Variants in C6orf89 observed in about 807,000 individuals in gnomAD.
C6orf89 encodes the protein bombesin receptor-activated protein C6orf89.
In C6orf89, 29 loss-of-function variants were observed where a neutral mutation model predicts 40.7. The ratio of observed to expected loss-of-function variants is 0.71; its 90% CI spans 0.53 to 0.97. The LOEUF (loss-of-function observed/expected upper bound fraction) is 0.97, where lower values mean the gene tolerates loss of function less well. Among genes scored for constraint, C6orf89 ranks in the 50% least tolerant of loss-of-function variants. C6orf89 has a pLI of 0.00. For synonymous variants in C6orf89, 165 were observed against 152.2 expected (o/e 1.08, Z -0.62); for missense variants, 392 against 429.1 (o/e 0.91, Z 0.76).
intron 7 of C6orf89, 126 bp downstream of exon 7, chr6:36,916,700 C>T: frequency 8.6e-7 from 1 of 1,156,780 alleles, no homozygotes; most frequent in Non-Finnish European, 1.2e-6. Flanking sequence ...GGGACACCCA[C>T]ACAGTCTAGT....
rs1762625451 is a variant in C6orf89 at position 36,924,743 on chromosome 6, A to G, written c.*1302A>G. The G allele has an allele frequency of 6.6e-6, 1 of 152,214 alleles. No individual in the cohort carries two copies. The allele number at this position is 152,214 out of a possible 1,614,324, so 9.4% of individuals were successfully genotyped here. A position where few individuals can be genotyped will look rare whatever the true frequency, so the allele number is the denominator to read the frequency against. On this transcript the variant is annotated 3_prime_UTR_variant, in exon 9 of 9. Transcript: ENST00000480824. ...TGCCAAGATGAAGAAAAAGCAAACTACACTTTGGCCTCTGGTTCTGAATTG... is the reference window on the plus strand; with the variant it reads ...TGCCAAGATGAAGAAAAAGCAAACTGCACTTTGGCCTCTGGTTCTGAATTG...
intron 4 of C6orf89, among the ~76,000 whole-genome samples, chr6:36,905,090 G>C (rs752041576): frequency 1.3e-5 from 2 of 152,216 alleles, no homozygotes; most frequent in Non-Finnish European, 2.9e-5. Flanking sequence ...TAAACTGACA[G>C]TTGTTTATTA....
intron 4 of C6orf89, among the ~76,000 whole-genome samples, chr6:36,909,852 G>A (rs1040303821): frequency 3.3e-5 from 5 of 149,672 alleles, no homozygotes; most frequent in African/African-American, 1.2e-4. Flanking sequence ...CTGATTATTT[G>A]TCTCGTATAT....
chr6:36,914,916 G>C (rs2150710332), intron 6 of C6orf89, among the ~76,000 whole-genome samples: 1 of 152,322 alleles, frequency 6.6e-6, no homozygotes, highest in East Asian at 1.9e-4. Flanking sequence ...CTTGAACCTG[G>C]GAGGTGGAGG....
chr6:36,881,251 A>G (rs535837090), upstream of C6orf89, among the ~76,000 whole-genome samples: 333 of 152,350 alleles, frequency 2.2e-3, no homozygotes, highest in South Asian at 7.0e-3. Flanking sequence ...GGAGAATGAA[A>G]TGTGTTTTTT....
chr6:36,912,394 C>T (rs116559574), intron 4 of C6orf89, among the ~76,000 whole-genome samples: 2 of 152,184 alleles, frequency 1.3e-5, no homozygotes, highest in Admixed American at 6.5e-5. Flanking sequence ...CTTCCCCTTC[C>T]ATCGCAAGTA....
upstream of C6orf89, among the ~76,000 whole-genome samples, chr6:36,885,310 C>T (rs564549860): frequency 1.0e-3 from 154 of 152,336 alleles, no homozygotes; most frequent in Non-Finnish European, 1.9e-3. Flanking sequence ...CTCACTGTTT[C>T]TGTACCTTAC....
intron 2 of C6orf89, among the ~76,000 whole-genome samples, chr6:36,896,721 A>G (rs1211957997): frequency 6.6e-6 from 1 of 152,172 alleles, no homozygotes; most frequent in African/African-American, 2.4e-5. Context: ...CTAAGAAACC[A>G]TTGCCGAATC....
At chr6:36,914,119 C>A (rs1762225950) in intron 4 of C6orf89, among the ~76,000 whole-genome samples, 165 bp from the exon 5 acceptor site, 1 of 152,198 alleles carries the variant, frequency 6.6e-6, no homozygotes, top group African/African-American at 2.4e-5. Context: ...TGGACGGCAC[C>A]ACTGCACTCC....
At chr6:36,914,481 G>A (rs755474390) in intron 5 of C6orf89, 46 bp downstream of exon 5, 14 of 1,613,012 alleles carry the variant, frequency 8.7e-6, no homozygotes, top group Admixed American at 1.7e-5. Flanking sequence ...CTTGCTTAAA[G>A]GCTAGGTCAA....
At chr6:36,921,449 GT>G (rs1762507040) in intron 8 of C6orf89, among the ~76,000 whole-genome samples, 1 of 152,098 alleles carries the variant, frequency 6.6e-6, no homozygotes, top group Admixed American at 6.5e-5. Flanking sequence ...ACATTTTCCT[GT>G]GGAGATGGAG....
At chr6:36,881,772 T>C (rs954299335), upstream of C6orf89, among the ~76,000 whole-genome samples, 5 of 152,146 alleles carry the variant, frequency 3.3e-5, no homozygotes, top group East Asian at 1.9e-4. Context: ...AGTTTTTTTT[T>C]CCATAAATGG....
intron 8 of C6orf89, 29 bp from the exon 9 acceptor site, chr6:36,923,318 A>G: frequency 6.3e-7 from 1 of 1,578,950 alleles, no homozygotes; most frequent in African/African-American, 1.3e-5. Flanking sequence ...TGACATTTAC[A>G]TGCCTTCCTC....
chr6:36,914,648 G>A lies in C6orf89; in HGVS notation c.650G>A (p.Trp217Ter), dbSNP rs545474067. Reference sequence around the variant, plus strand: ...TTCTCTGAAGGGTTTTTCGCCAAGTGGTGGCGCTGCTTTCCTGAGCGGTGG... The same window carrying A: ...TTCTCTGAAGGGTTTTTCGCCAAGTAGTGGCGCTGCTTTCCTGAGCGGTGG... ...EGFSEGFFAKWWRCFPERWFP... is the reference protein window; with the variant it reads ...EGFSEGFFAK The change falls in exon 6 of 9, where the codon TGG becomes TAG. Residue 217 changes from tryptophan (W) to a stop codon, truncating the protein, a stop_gained. Coordinates refer to ENST00000480824, the MANE Select transcript of C6orf89 (RefSeq NM_001286635.2). LOFTEE classifies it high-confidence loss of function. 5.0e-6 allele frequency: 8 copies of A among 1,614,218 alleles called. No homozygotes were observed. The highest frequency in any genetic ancestry group is 6.8e-6 in the Non-Finnish European group (8 of 1,180,042).
intron 1 of C6orf89, among the ~76,000 whole-genome samples, chr6:36,873,139 T>C (rs1172888474): frequency 3.3e-5 from 5 of 152,220 alleles, no homozygotes; most frequent in Admixed American, 6.5e-5. Flanking sequence ...ATTTTCAAAA[T>C]ACAGAAAGTA....
upstream of C6orf89, among the ~76,000 whole-genome samples, chr6:36,882,342 T>G (rs554545826): frequency 3.6e-4 from 55 of 152,334 alleles, no homozygotes; most frequent in African/African-American, 1.3e-3. Flanking sequence ...AATATACAAT[T>G]TGAATGAACT....
At chr6:36,923,273 C>A in intron 8 of C6orf89, 74 bp from the exon 9 acceptor site, 1 of 1,101,162 alleles carries the variant, frequency 9.1e-7, no homozygotes, top group Non-Finnish European at 1.4e-6. Context: ...TCTGGCAGAC[C>A]TGCCTTGCTC....
intron 1 of C6orf89, 43 bp downstream of exon 1, chr6:36,886,071 T>C: frequency 9.0e-7 from 1 of 1,112,624 alleles, no homozygotes; most frequent in East Asian, 3.7e-5. Flanking sequence ...GAGGCCGCCC[T>C]GTGACAGCCT....
intron 1 of C6orf89, among the ~76,000 whole-genome samples, chr6:36,887,323 G>A (rs557340808): frequency 3.3e-5 from 5 of 152,078 alleles, no homozygotes; most frequent in Non-Finnish European, 5.9e-5. Context: ...CAATTAGTTC[G>A]GAATGATAAT....
Sources: allele counts gnomAD v4.1 joint callset (sites outside exome capture counted in the v4.1 genomes callset), GRCh38; gene constraint gnomAD v4.1.1; transcripts MANE v1.5; gene names NCBI Gene and HGNC (gene_info 2026-07-23, HGNC 2026-07-21).